Variants in ENTPD7 observed in about 807,000 individuals in gnomAD.
ENTPD7 encodes the protein NTPDase 7.
In ENTPD7, 53 loss-of-function variants were observed where a neutral mutation model predicts 77.9. That is an observed-to-expected ratio of 0.68 (90% CI 0.55 to 0.85). The LOEUF (loss-of-function observed/expected upper bound fraction) is 0.85. Among genes scored for constraint, ENTPD7 ranks in the 40% least tolerant of loss-of-function variants. ENTPD7 has a pLI of 0.00. For missense variants in ENTPD7, 636 were observed against 743.7 expected, an observed-to-expected ratio of 0.86 and a Z score of 1.68; for synonymous variants, 248 against 274.9, an observed-to-expected ratio of 0.90 and a Z score of 0.97.
chr10:99,679,158 A>C, intron 3 of ENTPD7, 103 bp from the exon 4 acceptor site: 1 of 1,083,682 alleles, frequency 9.2e-7, no homozygotes, highest in Middle Eastern at 2.1e-4. Context: ...TGTGCTTAGC[A>C]CATGTAGGCA....
chr10:99,700,414 A>G (rs10786567), intron 10 of ENTPD7, among the ~76,000 whole-genome samples: 1,200 of 9,790 alleles, frequency 0.12, 34 homozygotes, highest in African/African-American at 0.37. Flanking sequence ...GTGTGTGTGT[A>G]TGTGTGTGTG....
chr10:99,681,924 A>G (rs1327607386), intron 5 of ENTPD7, among the ~76,000 whole-genome samples: 3 of 152,204 alleles, frequency 2.0e-5, no homozygotes, highest in African/African-American at 4.8e-5. Flanking sequence ...AAAATATTTT[A>G]AAGATAAACC....
At chr10:99,698,347 CT>C (rs574374030) in intron 9 of ENTPD7, among the ~76,000 whole-genome samples, 186 bp from the exon 10 acceptor site, 2 of 152,034 alleles carry the variant, frequency 1.3e-5, no homozygotes, top group South Asian at 2.1e-4. Flanking sequence ...ATATTCCTCT[CT>C]TTTTTTTCTA....
Position 99,710,840 on chromosome 10 carries a change from T to A in ENTPD7, c.*6157T>A. On this transcript the variant is annotated 3_prime_UTR_variant, in exon 13 of 13. Transcript: ENST00000370489. Reference sequence around the variant, plus strand: ...ATAGATAGTATTTGTCAGTCTAAGTTACAGACAAAAAATTCTAGGTTGACT... The same window carrying A: ...ATAGATAGTATTTGTCAGTCTAAGTAACAGACAAAAAATTCTAGGTTGACT... 1.0e-6 allele frequency: 1 copy of A among 985,456 alleles called. No individual in the cohort carries two copies. Among genetic ancestry groups the A allele is most frequent in the Non-Finnish European group, 1.2e-6 (1 of 829,920 alleles). The allele number at this position is 985,456 out of a possible 1,614,324, so 61.0% of individuals were successfully genotyped here.
At chr10:99,679,604 A>G (rs914296686) in intron 4 of ENTPD7, 121 bp from the exon 5 acceptor site, 8 of 1,435,790 alleles carry the variant, frequency 5.6e-6, no homozygotes, top group Non-Finnish European at 6.6e-6. Flanking sequence ...GTCACCCCCT[A>G]CCTCTCAAAT....
intron 8 of ENTPD7, 112 bp from the exon 9 acceptor site, chr10:99,695,844 G>C (rs1170377468): frequency 1.0e-6 from 1 of 961,370 alleles, no homozygotes; most frequent in African/African-American, 1.7e-5. Flanking sequence ...GAATGCTTAA[G>C]ATGTTTTAAA....
intron 8 of ENTPD7, among the ~76,000 whole-genome samples, chr10:99,694,719 T>C (rs1317717988): frequency 1.3e-5 from 2 of 152,064 alleles, no homozygotes; most frequent in East Asian, 3.9e-4. Flanking sequence ...GTATTTTTAG[T>C]AGAGACGGAG....
At chr10:99,685,020 G>A (rs2035794744) in intron 5 of ENTPD7, among the ~76,000 whole-genome samples, 1 of 152,222 alleles carries the variant, frequency 6.6e-6, no homozygotes, top group South Asian at 2.1e-4. Flanking sequence ...CACTTTGGGA[G>A]GCCGAGGCAG....
rs2036360861 is a variant in ENTPD7, at chr10:99,710,912, A to G, written c.*6229A>G. 4.1e-6 allele frequency: 4 copies of G among 985,284 alleles called. No individual in the cohort carries two copies. The highest frequency in any genetic ancestry group is 6.1e-5 in the Admixed American group (1 of 16,274). The allele number at this position is 985,284 out of a possible 1,614,324, so 61.0% of individuals were successfully genotyped here. Reference sequence around the variant, plus strand: ...TAATTTCCTTCATGTTTTAAAAACAATGGACGTAAGTGCAGAGAGACCTTT... The same window carrying G: ...TAATTTCCTTCATGTTTTAAAAACAGTGGACGTAAGTGCAGAGAGACCTTT... On this transcript the variant is annotated 3_prime_UTR_variant, in exon 13 of 13. Coordinates refer to ENST00000370489, the MANE Select transcript of ENTPD7 (RefSeq NM_020354.5).
rs371545123 is a variant in ENTPD7, at chr10:99,688,743, C to T, written c.702C>T (p.His234=). Reference sequence around the variant, plus strand: ...ACTTTGTTTTGGGAAGATTCGACCACGAGGATGGTGAGTAATATTGTCTTT... The same window carrying T: ...ACTTTGTTTTGGGAAGATTCGACCATGAGGATGGTGAGTAATATTGTCTTT... ...GINFVLGRFD[H]EDESDAEATQ... Residue 234 remains histidine (H), a synonymous_variant, in exon 7 of 13, where the codon CAC becomes CAT. Coordinates refer to ENST00000370489, the MANE Select transcript of ENTPD7 (RefSeq NM_020354.5). 25 of 1,613,808 alleles carry T rather than the reference C, an allele frequency of 1.5e-5. No individual in the cohort carries two copies. Among genetic ancestry groups the T allele is most frequent in the East Asian group, 4.5e-5 (2 of 44,814 alleles).
At chr10:99,683,648 T>A (rs1324744303) in intron 5 of ENTPD7, among the ~76,000 whole-genome samples, 2 of 152,250 alleles carry the variant, frequency 1.3e-5, no homozygotes, top group Non-Finnish European at 2.9e-5. Flanking sequence ...ATCCTGTCAC[T>A]ATGTATACAT....
At chr10:99,695,454 G>C (rs538159293) in intron 8 of ENTPD7, among the ~76,000 whole-genome samples, 1 of 151,942 alleles carries the variant, frequency 6.6e-6, no homozygotes, top group African/African-American at 2.4e-5. Context: ...CCCGGGAGGC[G>C]GAGGTTGCAG....
intron 12 of ENTPD7, 51 bp downstream of exon 12, chr10:99,702,724 G>A: frequency 6.7e-7 from 1 of 1,493,058 alleles, no homozygotes; most frequent in Non-Finnish European, 9.0e-7. Flanking sequence ...GATATCAGTT[G>A]ATGCCTCAGA....
At chr10:99,698,507 G>A in intron 9 of ENTPD7, 27 bp from the exon 10 acceptor site, 1 of 1,604,244 alleles carries the variant, frequency 6.2e-7, no homozygotes, top group South Asian at 1.1e-5. Context: ...GTGTTTGTTT[G>A]TTTGTTTGTT....
chr10:99,692,954 C>T (rs139736391), intron 8 of ENTPD7, among the ~76,000 whole-genome samples: 2,330 of 151,988 alleles, frequency 0.015, 35 homozygotes, highest in Non-Finnish European at 0.02. Context: ...ATATAGGTCA[C>T]GGAACCTTGA....
In ENTPD7 at chr10:99,661,577, T is replaced by C. The variant is rs1373596700; in HGVS notation, c.140T>C (p.Ile47Thr). Residue 47 changes from isoleucine to threonine, a missense_variant, in exon 3 of 13, where the codon ATA becomes ACA. Around this residue, in one of 3 missense-constraint regions of ENTPD7, gnomAD observed 486 missense variants for 556.5 expected, o/e 0.87. Transcript: ENST00000370489. Reference protein sequence around the residue: ...ISCLLLLMLIIDFRHWSASLP... With the variant: ...ISCLLLLMLITDFRHWSASLP... ...TGTCTCCTTTTACTTATGTTAATCA[T>C]AGACTTTCGACATTGGAGTGCTTCA... The C allele has an allele frequency of 5.0e-6, 8 of 1,613,626 alleles. No homozygotes were observed. The highest frequency in any genetic ancestry group is 6.8e-6 in the Non-Finnish European group (8 of 1,179,926).
chr10:99,709,660 C>T lies in ENTPD7; in HGVS notation c.*4977C>T, dbSNP rs1294862135. 1 of 985,250 alleles carries T rather than the reference C, an allele frequency of 1.0e-6. No homozygotes were observed. Among genetic ancestry groups the T allele is most frequent in the Non-Finnish European group, 1.2e-6 (1 of 829,932 alleles). 61.0% of individuals were successfully genotyped at this position (985,250 alleles called of 1,614,324 possible). A position where few individuals can be genotyped will look rare whatever the true frequency, so the allele number is the denominator to read the frequency against. On this transcript the variant is annotated 3_prime_UTR_variant, in exon 13 of 13. Transcript: ENST00000370489. The stretch of plus-strand genomic sequence containing the variant: ...GATCTAAGTTGGAAAGCTGTGGCAC[C>T]CTGTTTGGGTGTCCCATCTACCCTG...
At chr10:99,663,709 C>T (rs1258498716) in intron 3 of ENTPD7, among the ~76,000 whole-genome samples, 1 of 152,150 alleles carries the variant, frequency 6.6e-6, no homozygotes, top group African/African-American at 2.4e-5. Context: ...TATCCTCCTG[C>T]CTCGGCCTCC....
chr10:99,706,516 T>A lies in ENTPD7; in HGVS notation c.*1833T>A, dbSNP rs2036257324. On this transcript the variant is annotated 3_prime_UTR_variant, in exon 13 of 13. Transcript: ENST00000370489. ...ACACTCAGCTAATTTTTTATTTTATTTTTTTAGAGATGGAGTCTGTGTTGT... is the reference window on the plus strand; with the variant it reads ...ACACTCAGCTAATTTTTTATTTTATATTTTTAGAGATGGAGTCTGTGTTGT... 1.3e-5 allele frequency among the ~76,000 whole-genome samples: 2 copies of A among 151,976 alleles called. No homozygotes were observed. Among genetic ancestry groups the A allele is most frequent in the South Asian group, 4.2e-4 (2 of 4,812 alleles).
Sources: allele counts gnomAD v4.1 joint callset (sites outside exome capture counted in the v4.1 genomes callset), GRCh38; gene constraint gnomAD v4.1.1; regional missense constraint gnomAD v4.1.1; transcripts MANE v1.5; gene names NCBI Gene and HGNC (gene_info 2026-07-23, HGNC 2026-07-21).